The following VPS4A variants were observed in gnomAD, a reference collection of about 807,000 sequenced individuals.
The protein encoded by VPS4A is vacuolar protein sorting-associated protein 4A.
A neutral mutation model predicts 52.3 loss-of-function variants in VPS4A; 20 were observed. That is an observed-to-expected ratio of 0.38 (90% CI 0.27 to 0.56). VPS4A has a LOEUF of 0.56. Among genes scored for constraint, VPS4A ranks in the 20% least tolerant of loss-of-function variants. The pLI, the probability that VPS4A is intolerant of heterozygous loss-of-function variation, is 0.72. For missense variants in VPS4A, 419 were observed against 575.9 expected, an observed-to-expected ratio of 0.73 and a Z score of 2.79; for synonymous variants, 293 against 227.7, an observed-to-expected ratio of 1.29 and a Z score of -2.58.
chr16:69,322,621 C>T lies in VPS4A; in HGVS notation c.1133C>T (p.Ser378Leu), dbSNP rs1025387872. Residue 378 changes from serine (S) to leucine (L), a missense_variant, in exon 10 of 11, where the codon TCA becomes TTA. Transcript: ENST00000254950. ...ATTGATGACCTCCTGACTCCATGCT[C>T]ACCAGGGGACCCAGGAGCCATGGAG... ...MMIDDLLTPC[S>L]PGDPGAMEMT... 6.2e-7 allele frequency: 1 copy of T among 1,613,978 alleles called. No individual in the cohort carries two copies. Among genetic ancestry groups the T allele is most frequent in the African/African-American group, 1.3e-5 (1 of 75,056 alleles).
Position 69,316,257 on chromosome 16 carries a change from AT to A in VPS4A, c.168del (p.Arg57GlufsTer8), listed in dbSNP as rs1224655749. The part of the protein sequence containing the change: ...EAHSDKAKES[I>X]RAKCVQYLDR... ...CCACAGCGACAAGGCCAAGGAGAGCATTCGAGCCAAGTGCGTGCAGTACCTA... is the reference window on the plus strand; with the variant it reads ...CCACAGCGACAAGGCCAAGGAGAGCATCGAGCCAAGTGCGTGCAGTACCTA... On this transcript the variant is annotated frameshift_variant, in exon 3 of 11. Transcript: ENST00000254950. LOFTEE classifies it high-confidence loss of function. The A allele has an allele frequency of 6.2e-7, 1 of 1,613,784 alleles. No homozygotes were observed. Among genetic ancestry groups the A allele is most frequent in the Non-Finnish European group, 8.5e-7 (1 of 1,179,878 alleles).
chr16:69,311,977 C>T (rs1219553876), intron 1 of VPS4A, among the ~76,000 whole-genome samples: 1 of 152,260 alleles, frequency 6.6e-6, no homozygotes, highest in Non-Finnish European at 1.5e-5. Context: ...CTTCCCCAAT[C>T]TTCGACTTCC....
intron 10 of VPS4A, 150 bp downstream of exon 10, chr16:69,322,850 A>C: frequency 1.0e-6 from 1 of 982,650 alleles, no homozygotes; most frequent in Non-Finnish European, 1.4e-6. Context: ...TGGGCAGATC[A>C]CAAGGTTAGG....
chr16:69,321,897 T>C lies in VPS4A; in HGVS notation c.1071+627T>C, dbSNP rs959640636. The C allele has an allele frequency of 5.1e-5, 8 of 156,736 alleles. No homozygotes were observed. In the South Asian group the frequency reaches 7.7e-4, roughly 15 times the overall value. 9.7% of individuals were successfully genotyped at this position (156,736 alleles called of 1,614,324 possible). On this transcript the variant is annotated intron_variant, in intron 9 of 10. Coordinates refer to ENST00000254950, the MANE Select transcript of VPS4A (RefSeq NM_013245.3). This position sits in a 1 kb window ranked among gnomAD's most constrained non-coding sequence, Gnocchi z 4.5. Reference sequence around the variant, plus strand: ...TGTGAGGGAATGAGCCTTGTGGACATTGGGGGAATGTTTTGCCAAGGCAGC... The same window carrying C: ...TGTGAGGGAATGAGCCTTGTGGACACTGGGGGAATGTTTTGCCAAGGCAGC...
chr16:69,316,238 C>A lies in VPS4A; in HGVS notation c.147C>A (p.Ser49Arg). The change falls in exon 3 of 11, where the codon AGC (serine) becomes AGA (arginine). Residue 49 changes from serine (S) to arginine (R), a missense_variant. By Grantham distance (110) the Ser-to-Arg change is moderately radical. Coordinates refer to ENST00000254950, the MANE Select transcript of VPS4A (RefSeq NM_013245.3). ...FLHAIKYEAH[S>R]DKAKESIRAK... ...TCCCTTTCACAGATGAGGCCCACAGCGACAAGGCCAAGGAGAGCATTCGAG... is the reference window on the plus strand; with the variant it reads ...TCCCTTTCACAGATGAGGCCCACAGAGACAAGGCCAAGGAGAGCATTCGAG... The A allele has an allele frequency of 1.9e-6, 3 of 1,613,532 alleles. No individual in the cohort carries two copies. The highest frequency in any genetic ancestry group is 2.5e-6 in the Non-Finnish European group (3 of 1,179,850).
In VPS4A at chr16:69,319,486, C is replaced by T. The variant is rs1965483871; in HGVS notation, c.563C>T (p.Thr188Ile). The T allele has an allele frequency of 1.9e-6, 3 of 1,613,904 alleles. No individual in the cohort carries two copies. Among genetic ancestry groups the T allele is most frequent in the African/African-American group, 2.7e-5 (2 of 74,956 alleles). The change falls in exon 6 of 11, where the codon ACC (threonine) becomes ATC (isoleucine). Residue 188 changes from threonine to isoleucine, a missense_variant. Thr to Ile is a moderately conservative substitution (Grantham distance 89, BLOSUM62 -1). This residue lies in a region of VPS4A where 103 missense variants were observed against 210.3 expected (regional missense o/e 0.49). Transcript: ENST00000254950. ...GTGGCAACAGAGGCCAACAACTCCACCTTCTTCTCTGTGTCCTCCTCAGAT... is the reference window on the plus strand; with the variant it reads ...GTGGCAACAGAGGCCAACAACTCCATCTTCTTCTCTGTGTCCTCCTCAGAT... ...KAVATEANNS[T>I]FFSVSSSDLM...
rs1048007328 is a variant in VPS4A, at chr16:69,325,742, A to G, written c.*1433A>G. The G allele has an allele frequency of 1.3e-5, 2 of 151,888 alleles. No individual in the cohort carries two copies. Among genetic ancestry groups the G allele is most frequent in the Non-Finnish European group, 2.9e-5 (2 of 68,002 alleles). 9.4% of individuals were successfully genotyped at this position (151,888 alleles called of 1,614,324 possible). A position where few individuals can be genotyped will look rare whatever the true frequency, so the allele number is the denominator to read the frequency against. ...AGCAAGACTCTGTCTCAAAAAAAAA[A>G]AAAAAGTCGAGAGTTGACATAAAAA... On this transcript the variant is annotated 3_prime_UTR_variant, in exon 11 of 11. Coordinates refer to ENST00000254950, the MANE Select transcript of VPS4A (RefSeq NM_013245.3).
intron 10 of VPS4A, among the ~76,000 whole-genome samples, chr16:69,323,858 G>GA (rs1965545858): frequency 6.7e-6 from 1 of 149,918 alleles, no homozygotes; most frequent in South Asian, 2.1e-4. Context: ...GCTGAGGCAG[G>GA]AGAGTCACTT....
chr16:69,320,251 C>T lies in VPS4A; in HGVS notation c.731C>T (p.Ala244Val), dbSNP rs1965493996. 6.2e-7 allele frequency: 1 copy of T among 1,613,886 alleles called. No individual in the cohort carries two copies. The highest frequency in any genetic ancestry group is 8.5e-7 in the Non-Finnish European group (1 of 1,179,870). ...GSRNENESEA[A>V]RRIKTEFLVQ... ...CGAAATGAAAATGAGAGTGAGGCCG[C>T]CCGGAGGATCAAAACGGAGTTCTTG... The change falls in exon 7 of 11, where the codon GCC becomes GTC. Residue 244 changes from alanine to valine, a missense_variant. Ala to Val is a moderately conservative substitution (Grantham distance 64). Around this residue, in one of 3 missense-constraint regions of VPS4A, gnomAD observed 103 missense variants for 210.3 expected, o/e 0.49. Transcript: ENST00000254950. The surrounding 1 kb of genome is among the most constrained non-coding windows in gnomAD (Gnocchi z 4.2).
intron 1 of VPS4A, among the ~76,000 whole-genome samples, chr16:69,312,740 G>T (rs1162827429): frequency 6.6e-6 from 1 of 152,012 alleles, no homozygotes; most frequent in Non-Finnish European, 1.5e-5. Flanking sequence ...AGCCTCCTGA[G>T]TAGCTGGGAT....
intron 3 of VPS4A, among the ~76,000 whole-genome samples, chr16:69,317,709 C>T (rs34312488): frequency 0.15 from 22,040 of 151,886 alleles, 1,798 homozygotes; most frequent in Middle Eastern, 0.24. Context: ...AGGAGAATGG[C>T]GTGAACCCGG....
In VPS4A at chr16:69,324,572, CCT is replaced by C. The variant is rs1491119265; in HGVS notation, c.*264_*265del. ...CTCATCAGCTCCTTCTGCCTCCCCC[CCT>C]TTTTTTTCCATCTTTTGTTCCCCTA... On this transcript the variant is annotated 3_prime_UTR_variant, in exon 11 of 11. Transcript: ENST00000254950. The C allele has an allele frequency of 9.2e-6, 4 of 434,584 alleles. No homozygotes were observed. The highest frequency in any genetic ancestry group is 1.3e-5 in the Non-Finnish European group (3 of 236,228). 26.9% of individuals were successfully genotyped at this position (434,584 alleles called of 1,614,324 possible).
chr16:69,321,157 C>G lies in VPS4A; in HGVS notation c.958C>G (p.His320Asp). 6.3e-7 allele frequency: 1 copy of G among 1,582,908 alleles called. No individual in the cohort carries two copies. The highest frequency in any genetic ancestry group is 8.6e-7 in the Non-Finnish European group (1 of 1,165,034). ...CCACAACCTCACGGATGCAAACATCCACGAGCTGGCCCGGAAGACGGAAGG... is the reference window on the plus strand; with the variant it reads ...CCACAACCTCACGGATGCAAACATCGACGAGCTGGCCCGGAAGACGGAAGG... ...TPHNLTDANI[H>D]ELARKTEGYS... The change falls in exon 9 of 11, where the codon CAC becomes GAC. Residue 320 changes from histidine to aspartate, a missense_variant. Around this residue, in one of 3 missense-constraint regions of VPS4A, gnomAD observed 185 missense variants for 200.2 expected, o/e 0.92. Coordinates refer to ENST00000254950, the MANE Select transcript of VPS4A (RefSeq NM_013245.3). This position sits in a 1 kb window ranked among gnomAD's most constrained non-coding sequence, Gnocchi z 4.5.
intron 6 of VPS4A, among the ~76,000 whole-genome samples, 158 bp from the exon 7 acceptor site, chr16:69,319,983 G>T (rs965878157): frequency 5.3e-5 from 8 of 152,212 alleles, no homozygotes; most frequent in Non-Finnish European, 1.2e-4. Context: ...TCTTGGTGCA[G>T]TGTGGCCCGA....
chr16:69,321,183 C>G lies in VPS4A; in HGVS notation c.984C>G (p.Gly328=), dbSNP rs1327323649. Residue 328 remains glycine, a synonymous_variant, in exon 9 of 11, where the codon GGC becomes GGG. Coordinates refer to ENST00000254950, the MANE Select transcript of VPS4A (RefSeq NM_013245.3). The surrounding 1 kb of genome is among the most constrained non-coding windows in gnomAD (Gnocchi z 4.5). Reference sequence around the variant, plus strand: ...ACGAGCTGGCCCGGAAGACGGAAGGCTACTCGGGCGCGGACATCAGCATCA... The same window carrying G: ...ACGAGCTGGCCCGGAAGACGGAAGGGTACTCGGGCGCGGACATCAGCATCA... ...NIHELARKTE[G]YSGADISIIV... 1.3e-6 allele frequency: 2 copies of G among 1,575,318 alleles called. No homozygotes were observed. Among genetic ancestry groups the G allele is most frequent in the Non-Finnish European group, 1.7e-6 (2 of 1,161,114 alleles).
In VPS4A at chr16:69,320,097, C is replaced by T. The variant is rs1303909481; in HGVS notation, c.621-44C>T. ...GAAGTGCCGGGAGCCCAGGCGGGCA[C>T]GGACGTGAACGTCTTGTCCTCACCC... On this transcript the variant is annotated intron_variant, in intron 6 of 10. Coordinates refer to ENST00000254950, the MANE Select transcript of VPS4A (RefSeq NM_013245.3). The surrounding 1 kb of genome is among the most constrained non-coding windows in gnomAD (Gnocchi z 4.2). 7 of 1,582,150 alleles carry T rather than the reference C, an allele frequency of 4.4e-6. No homozygotes were observed. Among genetic ancestry groups the T allele is most frequent in the Admixed American group, 1.7e-5 (1 of 58,236 alleles).
chr16:69,322,279 G>A (rs1965522788), intron 9 of VPS4A: 1 of 272,876 alleles, frequency 3.7e-6, no homozygotes, highest in Non-Finnish European at 6.9e-6. Flanking sequence ...GTGGGTGGGG[G>A]CACAGCTAAA....
intron 10 of VPS4A, chr16:69,323,820 C>T (rs1225438067): frequency 1.1e-5 from 4 of 373,678 alleles, no homozygotes; most frequent in East Asian, 7.2e-5. Context: ...TGTGGTGGCA[C>T]GTGCCTGTAG....
intron 1 of VPS4A, among the ~76,000 whole-genome samples, chr16:69,313,298 T>TA (rs34309813): frequency 0.053 from 8,024 of 152,236 alleles, 290 homozygotes; most frequent in Non-Finnish European, 0.074. Flanking sequence ...CTCACCCATT[T>TA]AAAGTGTATA....
Sources: gnomAD v4.1 joint callset for allele counts (sites outside exome capture counted in the v4.1 genomes callset) on GRCh38, gnomAD v4.1.1 for gene constraint, gnomAD v4.1.1 regional missense constraint, Gnocchi (gnomAD v3.1) non-coding constraint, MANE v1.5 for transcripts, NCBI Gene and HGNC (gene_info 2026-07-23, HGNC 2026-07-21) for gene names.